PCDHA12: variants seen among roughly 807,000 people sequenced by gnomAD.
The protein encoded by PCDHA12 is protocadherin alpha 12.
A neutral mutation model predicts 60.0 loss-of-function variants in PCDHA12; 44 were observed. The observed-to-expected ratio is 0.73, with a 90% CI of 0.58 to 0.94. The LOEUF (loss-of-function observed/expected upper bound fraction) is 0.94. PCDHA12 is among the 40% of genes least tolerant of loss of function. The pLI is 0.00. For synonymous variants in PCDHA12, 569 were observed against 553.0 expected, an observed-to-expected ratio of 1.03 and a Z score of -0.40; for missense variants, 1,276 against 1,239.7, an observed-to-expected ratio of 1.03 and a Z score of -0.44.
rs377044316 is a variant in PCDHA12 at position 140,883,116 on chromosome 5, G to A, written c.2367+5277G>A. 14 of 1,613,818 alleles carry A rather than the reference G, an allele frequency of 8.7e-6. No homozygotes were observed. The African/African-American group carries it at 1.9e-4, about 22-fold the overall frequency. On this transcript the variant is annotated intron_variant, in intron 1 of 3. Coordinates refer to ENST00000398631, the MANE Select transcript of PCDHA12 (RefSeq NM_018903.4). ...GGAGATATAGTTTACTCATTTAGAAGGCCTGTATGGCCTGCAGTGGTATAT... is the reference window on the plus strand; with the variant it reads ...GGAGATATAGTTTACTCATTTAGAAAGCCTGTATGGCCTGCAGTGGTATAT...
chr5:140,899,019 G>A (rs2067099712), intron 1 of PCDHA12, among the ~76,000 whole-genome samples: 1 of 151,834 alleles, frequency 6.6e-6, no homozygotes, highest in African/African-American at 2.4e-5. Flanking sequence ...AAGAATGCTT[G>A]TGATTTTTGT....
intron 1 of PCDHA12, among the ~76,000 whole-genome samples, chr5:140,893,926 C>G (rs1481035774): frequency 6.6e-6 from 1 of 152,180 alleles, no homozygotes; most frequent in Non-Finnish European, 1.5e-5. Context: ...TTTTCAGAAT[C>G]TCTACCTGTT....
At chr5:140,956,665 G>A (rs1336658976) in intron 1 of PCDHA12, among the ~76,000 whole-genome samples, 3 of 152,004 alleles carry the variant, frequency 2.0e-5, no homozygotes, top group African/African-American at 7.2e-5. Context: ...TGGCCTTAAA[G>A]GAGTTAGGGA....
chr5:140,926,229 G>A (rs1251523401), intron 1 of PCDHA12: 1 of 152,186 alleles, frequency 6.6e-6, no homozygotes, highest in Non-Finnish European at 1.5e-5. Context: ...AGCCTAGAAG[G>A]TGTGGTCGCT....
intron 2 of PCDHA12, among the ~76,000 whole-genome samples, chr5:140,980,905 A>G (rs182283088): frequency 1.5e-4 from 23 of 152,274 alleles, no homozygotes; most frequent in Admixed American, 1.4e-3. Context: ...ACATCATGTA[A>G]CTATTCTTTA....
At chr5:140,968,067 T>G in intron 1 of PCDHA12, 1 of 1,614,082 alleles carries the variant, frequency 6.2e-7, no homozygotes, top group Non-Finnish European at 8.5e-7. Context: ...CGGGTGGCTG[T>G]CTACAACATC....
At chr5:140,995,491 AG>A (rs1467871177) in intron 3 of PCDHA12, among the ~76,000 whole-genome samples, 5 of 152,224 alleles carry the variant, frequency 3.3e-5, no homozygotes, top group Non-Finnish European at 5.9e-5. Context: ...TTTCAGACTA[AG>A]GTTGACTGTG....
At chr5:140,884,995 T>C (rs1168400289) in intron 1 of PCDHA12, among the ~76,000 whole-genome samples, 1 of 152,228 alleles carries the variant, frequency 6.6e-6, no homozygotes, top group African/African-American at 2.4e-5. Context: ...AAAATGTTTG[T>C]TTTAATGAGG....
intron 1 of PCDHA12, among the ~76,000 whole-genome samples, chr5:140,941,202 C>CCTTTCTTCCTTTCTTTTTCTTT (rs1394736170): frequency 8.1e-6 from 1 of 122,742 alleles, no homozygotes; most frequent in African/African-American, 3.0e-5. Flanking sequence ...TTTCTTTCTT[C>CCTTTCTTCCTTTCTTTTTCTTT]CTTTCTTTCT....
rs1402531454 is a variant in PCDHA12 at position 141,011,521 on chromosome 5, TA to T, written c.*1586del. 1 of 153,804 alleles carries T rather than the reference TA, an allele frequency of 6.5e-6. No individual in the cohort carries two copies. The allele number at this position is 153,804 out of a possible 1,614,324, so 9.5% of individuals were successfully genotyped here. A position where few individuals can be genotyped will look rare whatever the true frequency, so the allele number is the denominator to read the frequency against. ...GTGAAAAAGTGGAGTAGTGTTTTTT[TA>T]ACCATTGTTAATCAGCTTTTGTGTA... On this transcript the variant is annotated 3_prime_UTR_variant, in exon 4 of 4. Coordinates refer to ENST00000398631, the MANE Select transcript of PCDHA12 (RefSeq NM_018903.4).
intron 1 of PCDHA12, among the ~76,000 whole-genome samples, chr5:140,955,510 T>G (rs1554221967): frequency 6.6e-6 from 1 of 152,154 alleles, no homozygotes; most frequent in Non-Finnish European, 1.5e-5. Context: ...AAAGACGTGT[T>G]TGCTTTCCCT....
intron 1 of PCDHA12, among the ~76,000 whole-genome samples, chr5:140,945,159 A>G (rs1341706509): frequency 2.0e-5 from 3 of 152,178 alleles, no homozygotes; most frequent in Non-Finnish European, 4.4e-5. Flanking sequence ...TACACTATTG[A>G]ACTATCTGAA....
At chr5:140,984,408 T>G (rs1394037702) in intron 3 of PCDHA12, among the ~76,000 whole-genome samples, 2 of 152,200 alleles carry the variant, frequency 1.3e-5, no homozygotes, top group African/African-American at 2.4e-5. Flanking sequence ...AACCTATCTT[T>G]TTTACAGAGA....
chr5:140,994,379 G>A (rs2097618506), intron 3 of PCDHA12, among the ~76,000 whole-genome samples: 1 of 152,112 alleles, frequency 6.6e-6, no homozygotes. Flanking sequence ...AAATTCAGGG[G>A]ACTAAGTCAG....
intron 1 of PCDHA12, among the ~76,000 whole-genome samples, chr5:140,900,569 A>G (rs1166977648): frequency 2.6e-5 from 4 of 152,182 alleles, no homozygotes; most frequent in African/African-American, 9.7e-5. Context: ...GAGCCACGGC[A>G]CCGGCCCATT....
chr5:140,917,948 A>AT (rs1443419626), intron 1 of PCDHA12, among the ~76,000 whole-genome samples: 16 of 151,986 alleles, frequency 1.1e-4, no homozygotes, highest in African/African-American at 3.9e-4. Flanking sequence ...TGGTAGTTTG[A>AT]TAGGAACATC....
rs782527785 is a variant in PCDHA12, at chr5:140,882,593, A to C, written c.2367+4754A>C. 1.9e-6 allele frequency: 3 copies of C among 1,614,126 alleles called. No homozygotes were observed. In the African/African-American group the frequency reaches 4.0e-5, roughly 22 times the overall value. On this transcript the variant is annotated intron_variant, in intron 1 of 3. Coordinates refer to ENST00000398631, the MANE Select transcript of PCDHA12 (RefSeq NM_018903.4). ...GGAGTGCAGCATCCACCTGGAGGTG[A>C]TCGTGGACAGGCCTCTGCAGGTTTT...
At chr5:140,965,848 C>T (rs2095941298) in intron 1 of PCDHA12, among the ~76,000 whole-genome samples, 1 of 152,178 alleles carries the variant, frequency 6.6e-6, no homozygotes, top group Non-Finnish European at 1.5e-5. Context: ...TTTGCCAAGG[C>T]ACACACTGAA....
chr5:140,897,806 CA>C (rs1351917169), intron 1 of PCDHA12, among the ~76,000 whole-genome samples: 11 of 152,166 alleles, frequency 7.2e-5, no homozygotes, highest in African/African-American at 2.7e-4. Flanking sequence ...GTCCCACCAA[CA>C]GTGTAAAAGT....
Sources: gnomAD v4.1 joint callset for allele counts (sites outside exome capture counted in the v4.1 genomes callset) on GRCh38, gnomAD v4.1.1 for gene constraint, MANE v1.5 for transcripts, NCBI Gene and HGNC (gene_info 2026-07-23, HGNC 2026-07-21) for gene names.